Variants in AFAP1L2 observed in about 807,000 individuals in gnomAD.
The protein encoded by AFAP1L2 is actin filament-associated protein 1-like 2.
AFAP1L2 carries 46 observed loss-of-function variants against 99.3 expected under a neutral mutation model. That is an observed-to-expected ratio of 0.46 (90% CI 0.37 to 0.59). The LOEUF (loss-of-function observed/expected upper bound fraction) is 0.59, where lower values mean the gene tolerates loss of function less well. Ranked by LOEUF, AFAP1L2 falls within the 20% of genes least tolerant of loss-of-function variation. AFAP1L2 has a pLI of 0.00. For missense variants in AFAP1L2, 959 were observed against 1,034.9 expected, an observed-to-expected ratio of 0.93 and a Z score of 1.01; for synonymous variants, 397 against 419.1, an observed-to-expected ratio of 0.95 and a Z score of 0.64.
chr10:114,321,776 C>G (rs953487876), intron 5 of AFAP1L2, among the ~76,000 whole-genome samples: 4 of 152,202 alleles, frequency 2.6e-5, no homozygotes, highest in African/African-American at 4.8e-5. Context: ...CAAATCCCCA[C>G]ACCAAGAGCA....
intron 1 of AFAP1L2, among the ~76,000 whole-genome samples, chr10:114,395,771 G>A (rs148570559): frequency 2.3e-3 from 354 of 152,196 alleles, no homozygotes; most frequent in African/African-American, 7.8e-3. Context: ...CCCAGGGAAG[G>A]AAACATCTGG....
At chr10:114,312,234 AGTGT>A (rs58275552) in intron 7 of AFAP1L2, among the ~76,000 whole-genome samples, 3,100 of 145,532 alleles carry the variant, frequency 0.021, 84 homozygotes, top group African/African-American at 0.065. Context: ...GCAAGAGCAG[AGTGT>A]GTGTGTGTGT....
chr10:114,326,569 T>A lies in AFAP1L2; in HGVS notation c.316-3308A>T, dbSNP rs1046273985. The stretch of plus-strand genomic sequence containing the variant: ...GAAATTTTGGTCAGAATAAACTCTC[T>A]ACTTATATTTATTTTGTCTCCGTTT... On this transcript the variant is annotated intron_variant, in intron 4 of 18. Coordinates refer to ENST00000304129, the MANE Select transcript of AFAP1L2 (RefSeq NM_001001936.3). Among the ~76,000 whole-genome samples the A allele has an allele frequency of 1.2e-4, 19 of 152,336 alleles. No homozygotes were observed. In the South Asian group the frequency reaches 3.1e-3, roughly 25 times the overall value.
At chr10:114,304,953 AGGAGG>A (rs2041870915) in intron 10 of AFAP1L2, 23 bp from the exon 11 acceptor site, 1 of 1,371,960 alleles carries the variant, frequency 7.3e-7, no homozygotes, top group African/African-American at 1.6e-5. Flanking sequence ...GTGCAGATGC[AGGAGG>A]GGACAGGGCT....
intron 2 of AFAP1L2, 36 bp downstream of exon 2, chr10:114,340,567 G>A (rs767830114): frequency 1.6e-5 from 25 of 1,598,356 alleles, no homozygotes; most frequent in South Asian, 1.0e-4. Context: ...CTCTTTTGGC[G>A]TGGAGGCCTC....
At chr10:114,299,447 G>A in intron 15 of AFAP1L2, 32 bp from the exon 16 acceptor site, 1 of 1,612,650 alleles carries the variant, frequency 6.2e-7, no homozygotes, top group Non-Finnish European at 8.5e-7. Context: ...CCCCAGGTAA[G>A]CAGAGCTGGA....
chr10:114,339,932 A>T (rs1418571327), intron 2 of AFAP1L2, among the ~76,000 whole-genome samples: 1 of 150,218 alleles, frequency 6.7e-6, no homozygotes, highest in African/African-American at 2.4e-5. Context: ...AATCGCTTGA[A>T]CCTGGGAGGT....
chr10:114,340,810 C>CA, intron 1 of AFAP1L2, 79 bp from the exon 2 acceptor site: 1 of 1,591,246 alleles, frequency 6.3e-7, no homozygotes, highest in South Asian at 1.1e-5. Flanking sequence ...CGGGACCCTG[C>CA]AGCCTCCCAC....
intron 1 of AFAP1L2, among the ~76,000 whole-genome samples, chr10:114,351,697 C>A (rs2136226742): frequency 6.6e-6 from 1 of 152,342 alleles, no homozygotes; most frequent in South Asian, 2.1e-4. Context: ...TGCCCCAAGC[C>A]TCTTTGGCCC....
intron 2 of AFAP1L2, among the ~76,000 whole-genome samples, chr10:114,336,995 C>T (rs944541963): frequency 6.6e-6 from 1 of 152,216 alleles, no homozygotes; most frequent in Non-Finnish European, 1.5e-5. Context: ...TGTTGGACCA[C>T]GGCTATCTTG....
chr10:114,384,866 G>A (rs907534952), intron 1 of AFAP1L2, among the ~76,000 whole-genome samples: 1 of 152,362 alleles, frequency 6.6e-6, no homozygotes, highest in Non-Finnish European at 1.5e-5. Flanking sequence ...CTGGTTGAGA[G>A]GGGCAGATGG....
At chr10:114,395,636 G>A (rs1217448738) in intron 1 of AFAP1L2, among the ~76,000 whole-genome samples, 4 of 152,140 alleles carry the variant, frequency 2.6e-5, no homozygotes, top group African/African-American at 4.8e-5. Flanking sequence ...GGGGGGTGGA[G>A]GATGGAAGGA....
At chr10:114,396,278 G>A (rs1464030510) in intron 1 of AFAP1L2, among the ~76,000 whole-genome samples, 1 of 152,050 alleles carries the variant, frequency 6.6e-6, no homozygotes, top group Admixed American at 6.5e-5. Flanking sequence ...TGAAGAACAG[G>A]CAAATTCAAC....
chr10:114,373,300 T>C (rs983722827), intron 1 of AFAP1L2, among the ~76,000 whole-genome samples: 2 of 152,132 alleles, frequency 1.3e-5, no homozygotes, highest in Admixed American at 6.5e-5. Context: ...AGGAAATGCA[T>C]GTCAACGAGG....
At chr10:114,322,560 C>G (rs757047323) in intron 5 of AFAP1L2, among the ~76,000 whole-genome samples, 63 of 152,314 alleles carry the variant, frequency 4.1e-4, no homozygotes, top group Admixed American at 1.4e-3. Context: ...ATCAGAGAAG[C>G]CTTCCCTATC....
rs1307142719 is a variant in AFAP1L2 at position 114,295,192 on chromosome 10, C to G, written c.*850G>C. 1.0e-6 allele frequency: 1 copy of G among 985,588 alleles called. No homozygotes were observed. The highest frequency in any genetic ancestry group is 1.2e-6 in the Non-Finnish European group (1 of 829,862). The allele number at this position is 985,588 out of a possible 1,614,324, so 61.1% of individuals were successfully genotyped here. A position where few individuals can be genotyped will look rare whatever the true frequency, so the allele number is the denominator to read the frequency against. ...AGACTATTTATATTAAATAACTCTT[C>G]CCTTAAAAATGGCCTGACCACAGCA... On this transcript the variant is annotated 3_prime_UTR_variant, in exon 19 of 19. Coordinates refer to ENST00000304129, the MANE Select transcript of AFAP1L2 (RefSeq NM_001001936.3).
intron 1 of AFAP1L2, among the ~76,000 whole-genome samples, chr10:114,376,293 T>C (rs981804017): frequency 6.6e-6 from 1 of 152,164 alleles, no homozygotes; most frequent in Non-Finnish European, 1.5e-5. Flanking sequence ...TGTGCTCGGA[T>C]CCAGAGGAAG....
intron 1 of AFAP1L2, among the ~76,000 whole-genome samples, chr10:114,382,475 A>C (rs1386666015): frequency 1.3e-5 from 2 of 152,166 alleles, no homozygotes; most frequent in African/African-American, 4.8e-5. Flanking sequence ...GAAGAACGGG[A>C]AGGACAAAGA....
At chr10:114,310,700 A>AG (rs993092945) in intron 7 of AFAP1L2, among the ~76,000 whole-genome samples, 1 of 152,014 alleles carries the variant, frequency 6.6e-6, no homozygotes, top group African/African-American at 2.4e-5. Context: ...TGGGCATGCG[A>AG]GGGGGGGCCT....
Sources: gnomAD v4.1 joint callset for allele counts (sites outside exome capture counted in the v4.1 genomes callset) on GRCh38, gnomAD v4.1.1 for gene constraint, MANE v1.5 for transcripts, NCBI Gene and HGNC (gene_info 2026-07-23, HGNC 2026-07-21) for gene names.